The following GPC3 variants were observed in gnomAD, a reference collection of about 807,000 sequenced individuals.
GPC3 encodes the protein glypican-3.
GPC3 carries 3 observed loss-of-function variants against 34.4 expected under a neutral mutation model. That is an observed-to-expected ratio of 0.09 (90% CI 0.04 to 0.23). GPC3 has a LOEUF of 0.23. Among genes scored for constraint, GPC3 ranks in the 10% least tolerant of loss-of-function variants. The pLI is 1.00. For synonymous variants in GPC3, 177 were observed against 174.0 expected, an observed-to-expected ratio of 1.02 and a Z score of -0.13; for missense variants, 351 against 445.6, an observed-to-expected ratio of 0.79 and a Z score of 1.91.
chrX:133,896,188 C>A (rs189190704), intron 2 of GPC3, among the ~76,000 whole-genome samples: 2 of 110,612 alleles, frequency 1.8e-5, no homozygotes. Flanking sequence ...ATGGTGAAAC[C>A]CCGTCTACTA....
intron 2 of GPC3, among the ~76,000 whole-genome samples, chrX:133,845,975 T>C (rs2075845412): frequency 9.0e-6 from 1 of 111,700 alleles, no homozygotes; most frequent in African/African-American, 3.3e-5. Context: ...CTTGAGATGA[T>C]GGTGGGAAAG....
At chrX:133,678,360 G>A (rs1286471050) in intron 5 of GPC3, among the ~76,000 whole-genome samples, 2 of 111,701 alleles carry the variant, frequency 1.8e-5, no homozygotes, top group South Asian at 3.8e-4. Flanking sequence ...GGGAGGAAAA[G>A]GTAAGAGGAG....
chrX:133,671,091 T>G, intron 5 of GPC3: 1 of 675,072 alleles, frequency 1.5e-6, no homozygotes, highest in South Asian at 2.1e-5. Context: ...GACAGAAATT[T>G]AGAGTGCCTA....
At chrX:133,772,302 A>G (rs2071931114) in intron 2 of GPC3, among the ~76,000 whole-genome samples, 2 of 111,335 alleles carry the variant, frequency 1.8e-5, no homozygotes. Flanking sequence ...GGGCCAGACA[A>G]GAATGTTAAT....
intron 1 of GPC3, among the ~76,000 whole-genome samples, chrX:133,958,090 C>A (rs1360406639): frequency 1.8e-5 from 2 of 112,494 alleles, no homozygotes; most frequent in Non-Finnish European, 3.8e-5. Context: ...ATAATCTCCT[C>A]TCCTAAACTG....
chrX:133,794,959 T>C (rs866700825), intron 2 of GPC3, among the ~76,000 whole-genome samples: 2 of 112,441 alleles, frequency 1.8e-5, no homozygotes, highest in Middle Eastern at 4.6e-3. Context: ...CACTGGACTA[T>C]GAACCGCTAG....
At chrX:133,937,295 C>T (rs2076327414) in intron 2 of GPC3, among the ~76,000 whole-genome samples, 1 of 111,201 alleles carries the variant, frequency 9.0e-6, no homozygotes, top group Non-Finnish European at 1.9e-5. Context: ...CAAAGACACA[C>T]ACATACGCAT....
chrX:133,689,911 T>C (rs1358774577), intron 5 of GPC3, among the ~76,000 whole-genome samples: 3 of 112,258 alleles, frequency 2.7e-5, no homozygotes, highest in Non-Finnish European at 5.6e-5. Context: ...ATATTTGACC[T>C]GTGGATATAT....
intron 6 of GPC3, among the ~76,000 whole-genome samples, chrX:133,643,511 A>G (rs1569404105): frequency 1.8e-5 from 2 of 112,130 alleles, no homozygotes; most frequent in East Asian, 5.6e-4. Context: ...TTTAAAAAGT[A>G]TTTGGGCAGA....
intron 7 of GPC3, among the ~76,000 whole-genome samples, chrX:133,558,280 C>T (rs771549700): frequency 2.3e-4 from 17 of 73,919 alleles, no homozygotes; most frequent in African/African-American, 8.9e-4. Flanking sequence ...TAGGAGGCTC[C>T]CTTTTCAATT....
At chrX:133,606,115 C>T (rs114693385) in intron 6 of GPC3, among the ~76,000 whole-genome samples, 7,007 of 111,936 alleles carry the variant, frequency 0.063, 572 homozygotes, top group African/African-American at 0.21. Flanking sequence ...GTTAAATGGA[C>T]AGGAAACAAA....
chrX:133,742,613 T>G (rs749236171), intron 3 of GPC3, among the ~76,000 whole-genome samples: 1 of 112,217 alleles, frequency 8.9e-6, no homozygotes, highest in South Asian at 3.7e-4. Flanking sequence ...ATAAAATTTT[T>G]TCTTTGGAAA....
At chrX:133,952,380 A>G (rs1036052827) in intron 2 of GPC3, among the ~76,000 whole-genome samples, 7 of 112,085 alleles carry the variant, frequency 6.2e-5, no homozygotes, top group African/African-American at 1.9e-4. Context: ...GTCTGCTATC[A>G]TCACCACCAC....
At chrX:133,578,000 C>T (rs2069702015) in intron 7 of GPC3, among the ~76,000 whole-genome samples, 1 of 112,009 alleles carries the variant, frequency 8.9e-6, no homozygotes, top group Non-Finnish European at 1.9e-5. Flanking sequence ...TTCTACAAAA[C>T]AAATAATAAT....
chrX:133,642,468 G>A (rs1303546803), intron 6 of GPC3, among the ~76,000 whole-genome samples: 5 of 111,183 alleles, frequency 4.5e-5, no homozygotes, highest in South Asian at 7.7e-4. Flanking sequence ...GACTGAAGGG[G>A]AAAAGAAAAT....
intron 2 of GPC3, among the ~76,000 whole-genome samples, chrX:133,764,998 T>C (rs960366868): frequency 2.7e-5 from 3 of 112,021 alleles, no homozygotes; most frequent in African/African-American, 9.7e-5. Flanking sequence ...GATTTTTTAG[T>C]TCATTCTTTA....
intron 7 of GPC3, among the ~76,000 whole-genome samples, chrX:133,561,532 C>T (rs1427263161): frequency 1.8e-5 from 2 of 112,094 alleles, no homozygotes; most frequent in African/African-American, 6.5e-5. Flanking sequence ...GCAAAGCATG[C>T]CCAACTCCAG....
chrX:133,974,444 A>ATG (rs754612796), intron 1 of GPC3, among the ~76,000 whole-genome samples: 1 of 112,502 alleles, frequency 8.9e-6, no homozygotes, highest in Non-Finnish European at 1.9e-5. Context: ...CTACATAGAG[A>ATG]TGTGTGTGTA....
In GPC3 at chrX:133,596,560, C is replaced by A. The variant is rs750171653; in HGVS notation, c.1453G>T (p.Asp485Tyr). 2.5e-6 allele frequency: 3 copies of A among 1,210,701 alleles called. No homozygotes were observed. The highest frequency in any genetic ancestry group is 2.3e-4 in the Middle Eastern group (1 of 4,350). The change falls in exon 7 of 8, where the codon GAT becomes TAT. Residue 485 changes from aspartate to tyrosine, a missense_variant. Transcript: ENST00000370818. ...AACCCTTCCTCATCCAGGTTTTTATCCAGAACTCTACCTTTGGGCATAGAC... is the reference window on the plus strand; with the variant it reads ...AACCCTTCCTCATCCAGGTTTTTATACAGAACTCTACCTTTGGGCATAGAC... ...TMSMPKGRVL[D>Y]KNLDEEGFES...
Sources: gnomAD v4.1 joint callset for allele counts (sites outside exome capture counted in the v4.1 genomes callset) on GRCh38, gnomAD v4.1.1 for gene constraint, MANE v1.5 for transcripts, NCBI Gene and HGNC (gene_info 2026-07-23, HGNC 2026-07-21) for gene names.